The following PTPRG variants were observed in gnomAD, a reference collection of about 807,000 sequenced individuals.
PTPRG encodes protein tyrosine phosphatase receptor type G.
A neutral mutation model predicts 165.3 loss-of-function variants in PTPRG; 102 were observed. The ratio of observed to expected loss-of-function variants is 0.62; its 90% confidence interval spans 0.53 to 0.73. The LOEUF (loss-of-function observed/expected upper bound fraction) is 0.73. PTPRG is among the 30% of genes least tolerant of loss of function. The pLI is 0.00. For missense variants in PTPRG, 1,866 were observed against 1,861.4 expected, an observed-to-expected ratio of 1.00 and a Z score of -0.05; for synonymous variants, 675 against 669.5, an observed-to-expected ratio of 1.01 and a Z score of -0.13.
intron 2 of PTPRG, among the ~76,000 whole-genome samples, chr3:61,811,670 T>A (rs1428957820): frequency 6.6e-6 from 1 of 152,234 alleles, no homozygotes; most frequent in Non-Finnish European, 1.5e-5. Flanking sequence ...TCAGCTTTCA[T>A]ATCCTGATTA....
At chr3:61,769,504 C>T (rs1203238531) in intron 2 of PTPRG, 3 of 152,216 alleles carry the variant, frequency 2.0e-5, no homozygotes, top group African/African-American at 7.2e-5. Context: ...AATTCCTGGC[C>T]TTAAGCGATC....
chr3:62,056,582 A>G (rs1255860856), intron 4 of PTPRG, among the ~76,000 whole-genome samples: 1 of 152,178 alleles, frequency 6.6e-6, no homozygotes, highest in Admixed American at 6.5e-5. Context: ...AGCCTTTGTT[A>G]TGTCATGTGC....
At chr3:61,653,348 G>C (rs1218765839) in intron 1 of PTPRG, among the ~76,000 whole-genome samples, 1 of 151,832 alleles carries the variant, frequency 6.6e-6, no homozygotes, top group African/African-American at 2.4e-5. Flanking sequence ...GGTTCATAAT[G>C]GGTGGCATAT....
intron 2 of PTPRG, among the ~76,000 whole-genome samples, chr3:61,950,831 A>T (rs2039882274): frequency 3.3e-5 from 5 of 152,210 alleles, no homozygotes; most frequent in African/African-American, 1.2e-4. Flanking sequence ...CTGGGAAGAG[A>T]GCTCAGTTGC....
At chr3:62,083,462 C>A (rs1053329967) in intron 5 of PTPRG, among the ~76,000 whole-genome samples, 2 of 152,098 alleles carry the variant, frequency 1.3e-5, no homozygotes, top group Non-Finnish European at 2.9e-5. Context: ...AATGCTGTTT[C>A]AAAATATTGT....
intron 3 of PTPRG, among the ~76,000 whole-genome samples, chr3:62,001,036 T>A (rs2041162024): frequency 6.6e-6 from 1 of 152,230 alleles, no homozygotes. Flanking sequence ...AATTCCAACA[T>A]GTCTTGAGCT....
chr3:61,562,465 G>A (rs1049082091), intron 1 of PTPRG, 93 bp downstream of exon 1: 2 of 1,232,564 alleles, frequency 1.6e-6, no homozygotes, highest in Non-Finnish European at 2.4e-6. Context: ...GCGCCCGTCC[G>A]GGAGACCCTG....
rs936844039 is a variant in PTPRG at position 62,229,077 on chromosome 3, G to A, written c.2289-2148G>A. On this transcript the variant is annotated intron_variant, in intron 13 of 29. Transcript: ENST00000474889. The surrounding 1 kb of genome is among the most constrained non-coding windows in gnomAD (Gnocchi z 4.6). Reference sequence around the variant, plus strand: ...GCCTGACAATGTGTCAAGCCATTGGGGAGAGCTCAAGCACATTTTGTGGTG... The same window carrying A: ...GCCTGACAATGTGTCAAGCCATTGGAGAGAGCTCAAGCACATTTTGTGGTG... Among the ~76,000 whole-genome samples the A allele has an allele frequency of 1.3e-5, 2 of 152,092 alleles. No homozygotes were observed. Among genetic ancestry groups the A allele is most frequent in the Non-Finnish European group, 2.9e-5 (2 of 68,026 alleles).
chr3:61,815,183 G>T (rs1469200402), intron 2 of PTPRG, among the ~76,000 whole-genome samples: 1 of 150,494 alleles, frequency 6.6e-6, no homozygotes, highest in Non-Finnish European at 1.5e-5. Flanking sequence ...GATCTCTTGA[G>T]CTCAGGAGTT....
In PTPRG at chr3:62,132,683, T is replaced by C; in HGVS notation, c.682+15T>C. The stretch of plus-strand genomic sequence containing the variant: ...CGTACATCATGGTAAGTATGCCACA[T>C]ACACTTCCTTTTGCTGGGATGTGAA... On this transcript the variant is annotated intron_variant, in intron 6 of 29. Coordinates refer to ENST00000474889, the MANE Select transcript of PTPRG (RefSeq NM_002841.4). 3.8e-6 allele frequency: 6 copies of C among 1,589,968 alleles called. No individual in the cohort carries two copies. Among genetic ancestry groups the C allele is most frequent in the Non-Finnish European group, 5.2e-6 (6 of 1,157,988 alleles).
At chr3:61,735,961 G>T (rs531459926) in intron 1 of PTPRG, among the ~76,000 whole-genome samples, 8 of 150,398 alleles carry the variant, frequency 5.3e-5, no homozygotes, top group Non-Finnish European at 1.2e-4. Context: ...AGGCTGGAGC[G>T]CAGTGGCGTG....
intron 2 of PTPRG, among the ~76,000 whole-genome samples, chr3:61,962,231 C>T (rs1223960185): frequency 1.3e-5 from 2 of 152,124 alleles, no homozygotes; most frequent in Non-Finnish European, 1.5e-5. Flanking sequence ...TGTTGACTCT[C>T]AAGACAAGAT....
intron 5 of PTPRG, among the ~76,000 whole-genome samples, chr3:62,109,805 C>G (rs1006409388): frequency 6.6e-6 from 1 of 152,196 alleles, no homozygotes; most frequent in Admixed American, 6.5e-5. Flanking sequence ...GCTGCTCCTT[C>G]TAATCTATGC....
At chr3:61,621,051 A>ATATATATG in intron 1 of PTPRG, among the ~76,000 whole-genome samples, 1 of 117,948 alleles carries the variant, frequency 8.5e-6, no homozygotes, top group African/African-American at 3.0e-5. Context: ...ATATATATAT[A>ATATATATG]TGTGTGTGTG....
intron 2 of PTPRG, among the ~76,000 whole-genome samples, chr3:61,773,189 G>A (rs971209918): frequency 2.6e-5 from 4 of 152,166 alleles, no homozygotes; most frequent in African/African-American, 9.7e-5. Flanking sequence ...TTATTTGGAA[G>A]AGTGTGTTAT....
At chr3:61,612,451 A>G (rs1018469713) in intron 1 of PTPRG, among the ~76,000 whole-genome samples, 1 of 152,130 alleles carries the variant, frequency 6.6e-6, no homozygotes, top group Non-Finnish European at 1.5e-5. Flanking sequence ...GTTCAGTTGT[A>G]GGTAGTTCTC....
intron 7 of PTPRG, 142 bp downstream of exon 7, chr3:62,157,366 C>A: frequency 3.3e-6 from 3 of 905,360 alleles, no homozygotes; most frequent in Non-Finnish European, 4.7e-6. Context: ...TTCCCACAAA[C>A]ATGTTTTTGA....
chr3:61,591,112 T>C (rs544478754), intron 1 of PTPRG, among the ~76,000 whole-genome samples: 86 of 152,340 alleles, frequency 5.6e-4, no homozygotes, highest in Non-Finnish European at 1.1e-3. Context: ...CAAATGTAAT[T>C]AGGCATTCTC....
At chr3:61,585,224 T>C (rs761690748) in intron 1 of PTPRG, among the ~76,000 whole-genome samples, 30 of 141,182 alleles carry the variant, frequency 2.1e-4, no homozygotes, top group Admixed American at 8.4e-4. Flanking sequence ...GAGGTAGCAG[T>C]GAGCCAAGAT....
Sources: allele counts gnomAD v4.1 joint callset (sites outside exome capture counted in the v4.1 genomes callset), GRCh38; gene constraint gnomAD v4.1.1; non-coding constraint Gnocchi (gnomAD v3.1); transcripts MANE v1.5; gene names NCBI Gene and HGNC (gene_info 2026-07-23, HGNC 2026-07-21).